The following SHANK1 variants were observed in gnomAD, a reference collection of about 807,000 sequenced individuals.
The protein encoded by SHANK1 is SH3 and multiple ankyrin repeat domains protein 1.
SHANK1 carries 35 observed loss-of-function variants against 165.6 expected under a neutral mutation model. The ratio of observed to expected loss-of-function variants is 0.21; its 90% confidence interval spans 0.16 to 0.28. The LOEUF is 0.28. SHANK1 is among the 10% of genes least tolerant of loss of function. The pLI, the probability that SHANK1 is intolerant of heterozygous loss-of-function variation, is 1.00. For missense variants in SHANK1, 2,681 were observed against 3,036.4 expected (o/e 0.88, Z 2.75); for synonymous variants, 1,428 against 1,384.8 (o/e 1.03, Z -0.69).
In SHANK1 at chr19:50,659,270, CTG is replaced by C. The variant is rs1220779203; in HGVS notation, c.*2693_*2694del. 13 of 712,196 alleles carry C rather than the reference CTG, an allele frequency of 1.8e-5. No individual in the cohort carries two copies. Among genetic ancestry groups the C allele is most frequent in the Non-Finnish European group, 2.6e-5 (13 of 508,712 alleles). 44.1% of individuals were successfully genotyped at this position (712,196 alleles called of 1,614,324 possible). ...CGGGGCCGGCTCGAGGGGGTGGATACTGTGAGTTTAATTATAAAGAATGACCT... is the reference window on the plus strand; with the variant it reads ...CGGGGCCGGCTCGAGGGGGTGGATACTGAGTTTAATTATAAAGAATGACCT... On this transcript the variant is annotated 3_prime_UTR_variant, in exon 24 of 24. Transcript: ENST00000293441.
rs746308457 is a variant in SHANK1, at chr19:50,697,376, A to G, written c.1937+213T>C. On this transcript the variant is annotated intron_variant, in intron 14 of 23. Transcript: ENST00000293441. The surrounding 1 kb of genome is among the most constrained non-coding windows in gnomAD (Gnocchi z 4.7). ...CCTGACCACCCCGTTGTCTCTGGCT[A>G]CCCCAGAGCTGGGCAGTCTTAGTGG... is the stretch of plus-strand genomic sequence containing the variant. Among the ~76,000 whole-genome samples, 27 of 152,058 alleles carry G rather than the reference A, an allele frequency of 1.8e-4. No individual in the cohort carries two copies. The highest frequency in any genetic ancestry group is 3.5e-4 in the Non-Finnish European group (24 of 68,002).
At chr19:50,710,604 T>A (rs1440078881) in intron 8 of SHANK1, among the ~76,000 whole-genome samples, 1 of 152,190 alleles carries the variant, frequency 6.6e-6, no homozygotes, top group African/African-American at 2.4e-5. Flanking sequence ...CCCCCCTGCC[T>A]GCTCCGTACC....
chr19:50,704,678 T>G (rs1248624813), intron 8 of SHANK1, among the ~76,000 whole-genome samples, 164 bp from the exon 9 acceptor site: 3 of 152,180 alleles, frequency 2.0e-5, no homozygotes, highest in Non-Finnish European at 4.4e-5. Context: ...CCAGGAGCAC[T>G]TTAGTTTAAA....
intron 21 of SHANK1, among the ~76,000 whole-genome samples, chr19:50,683,388 C>G (rs1673489748): frequency 6.6e-6 from 1 of 152,208 alleles, no homozygotes; most frequent in Non-Finnish European, 1.5e-5. Context: ...CCAATCAATA[C>G]ATAACCTTGT....
chr19:50,689,184 G>C lies in SHANK1; in HGVS notation c.2047+13C>G, dbSNP rs757800003. 1.9e-6 allele frequency: 3 copies of C among 1,599,452 alleles called. No individual in the cohort carries two copies. The highest frequency in any genetic ancestry group is 1.7e-6 in the Non-Finnish European group (2 of 1,167,922). On this transcript the variant is annotated intron_variant, in intron 16 of 23. Transcript: ENST00000293441. Reference sequence around the variant, plus strand: ...AGAGCCCTTCTCCCATCCCCTCCCCGGCTGGCACTCACCCTTGGCCCCCCG... The same window carrying C: ...AGAGCCCTTCTCCCATCCCCTCCCCCGCTGGCACTCACCCTTGGCCCCCCG...
At position 50,717,855 on chromosome 19, in the gene SHANK1, G is replaced by C. The variant is rs762076657; in HGVS notation, c.-43-893C>G. 9.9e-5 allele frequency among the ~76,000 whole-genome samples: 15 copies of C among 152,090 alleles called. No homozygotes were observed. The highest frequency in any genetic ancestry group is 2.6e-4 in the Admixed American group (4 of 15,274). ...TCTGAGGACTGGGGGTGTTAGGAGG[G>C]AGGCTAAGAAGTGAGAGGAGGGTCT... On this transcript the variant is annotated intron_variant, in intron 1 of 23. Coordinates refer to ENST00000293441, the MANE Select transcript of SHANK1 (RefSeq NM_016148.5). This position sits in a 1 kb window ranked among gnomAD's most constrained non-coding sequence, Gnocchi z 5.5.
Position 50,665,639 on chromosome 19 carries a change from G to T in SHANK1, c.5768+553C>A, listed in dbSNP as rs557933336. Among the ~76,000 whole-genome samples, 4 of 144,484 alleles carry T rather than the reference G, an allele frequency of 2.8e-5. No individual in the cohort carries two copies. The South Asian group carries it at 6.8e-4, about 25-fold the overall frequency. The allele number at this position is 144,484 out of a possible 152,430, so 94.8% of individuals were successfully genotyped here. ...CCAGGCATAGTGGCGTGCACCTATAGTCCCAGAGGATTGCTTGAGCCCAGG... is the reference window on the plus strand; with the variant it reads ...CCAGGCATAGTGGCGTGCACCTATATTCCCAGAGGATTGCTTGAGCCCAGG... On this transcript the variant is annotated intron_variant, in intron 23 of 23. Transcript: ENST00000293441.
At chr19:50,671,811 C>A (rs1045652406) in intron 22 of SHANK1, among the ~76,000 whole-genome samples, 2 of 152,140 alleles carry the variant, frequency 1.3e-5, no homozygotes, top group African/African-American at 2.4e-5. Flanking sequence ...AGTCAAGCCA[C>A]CTGCCCCAGT....
Position 50,703,653 on chromosome 19 carries a change from C to A in SHANK1, c.1400G>T (p.Gly467Val). Residue 467 changes from glycine (G) to valine (V), a missense_variant, in exon 11 of 24, where the codon GGG (glycine) becomes GTG (valine). By Grantham distance (109) the Gly-to-Val change is moderately radical. Transcript: ENST00000293441. ...ASSGAPGPTS[G>V]SQGQSQPSAP... is the part of the protein sequence containing the mutation. ...CGAGGGCTGCGACTGGCCCTGGGAC[C>A]CTGAGGTAGGGCCAGGGGCCCCAGA... 1 of 1,519,458 alleles carries A rather than the reference C, an allele frequency of 6.6e-7. No individual in the cohort carries two copies. 94.1% of individuals were successfully genotyped at this position (1,519,458 alleles called of 1,614,324 possible). A position where few individuals can be genotyped will look rare whatever the true frequency, so the allele number is the denominator to read the frequency against.
chr19:50,698,965 G>A (rs1334521420), intron 12 of SHANK1, among the ~76,000 whole-genome samples: 2 of 152,214 alleles, frequency 1.3e-5, no homozygotes, highest in East Asian at 1.9e-4. Context: ...ACCCAGGTAG[G>A]TAACAACTGT....
chr19:50,677,790 C>T (rs1310844017), intron 21 of SHANK1, among the ~76,000 whole-genome samples: 2 of 152,212 alleles, frequency 1.3e-5, no homozygotes, highest in Admixed American at 1.3e-4. Context: ...CAGGAGGTGT[C>T]GCCTGAAGGC....
chr19:50,668,014 C>G lies in SHANK1; in HGVS notation c.3946G>C (p.Gly1316Arg). The G allele has an allele frequency of 2.0e-6, 3 of 1,475,214 alleles. No homozygotes were observed. Among genetic ancestry groups the G allele is most frequent in the South Asian group, 1.3e-5 (1 of 78,154 alleles). The allele number at this position is 1,475,214 out of a possible 1,614,324, so 91.4% of individuals were successfully genotyped here. The stretch of plus-strand genomic sequence containing the variant: ...CCGCCACCCCCGTAGGCTCGGCTAC[C>G]GGCCCCGTAGCCGCCGTAGCCCGCG... Reference protein sequence around the residue: ...SGAGYGGYGAGSRAYGGGGGS... With the variant: ...SGAGYGGYGARSRAYGGGGGS... Residue 1316 changes from glycine (G) to arginine (R), a missense_variant, in exon 23 of 24, where the codon GGT becomes CGT. Physicochemically the swap from Gly to Arg is moderately radical, Grantham distance 125 (BLOSUM62 -2). Transcript: ENST00000293441.
intron 8 of SHANK1, 142 bp from the exon 9 acceptor site, chr19:50,704,656 GCCAGGTACGGA>G (rs2088916610): frequency 1.8e-5 from 13 of 726,768 alleles, no homozygotes; most frequent in Middle Eastern, 2.4e-4. Flanking sequence ...GCAGCCACCT[GCCAGGTACGGA>G]CCAGGAGCAC....
At chr19:50,703,419 G>A in intron 11 of SHANK1, 81 bp downstream of exon 11, 1 of 1,226,658 alleles carries the variant, frequency 8.2e-7, no homozygotes, top group Non-Finnish European at 1.1e-6. Flanking sequence ...AGGCAGCTGG[G>A]CTGGCCTCGG....
chr19:50,697,775 T>C lies in SHANK1; in HGVS notation c.1861+68A>G, dbSNP rs1371878162. On this transcript the variant is annotated intron_variant, in intron 13 of 23. Transcript: ENST00000293441. The surrounding 1 kb of genome is among the most constrained non-coding windows in gnomAD (Gnocchi z 4.7). Reference sequence around the variant, plus strand: ...CTACCTCCCAGTACCCCACCCCCATTAGGAAGGGAAAGGAGTGGACGTGGG... The same window carrying C: ...CTACCTCCCAGTACCCCACCCCCATCAGGAAGGGAAAGGAGTGGACGTGGG... The C allele has an allele frequency of 9.9e-6, 15 of 1,507,636 alleles. No homozygotes were observed. Among genetic ancestry groups the C allele is most frequent in the Non-Finnish European group, 1.4e-5 (15 of 1,085,826 alleles). 93.4% of individuals were successfully genotyped at this position (1,507,636 alleles called of 1,614,324 possible). A position where few individuals can be genotyped will look rare whatever the true frequency, so the allele number is the denominator to read the frequency against.
chr19:50,678,068 G>A (rs1986036020), intron 21 of SHANK1, among the ~76,000 whole-genome samples: 1 of 152,162 alleles, frequency 6.6e-6, no homozygotes, highest in Admixed American at 6.5e-5. Context: ...TTTTTCGTAT[G>A]TGTCCTCACT....
intron 8 of SHANK1, among the ~76,000 whole-genome samples, chr19:50,706,386 C>A (rs982565205): frequency 2.0e-4 from 31 of 152,154 alleles, no homozygotes; most frequent in Non-Finnish European, 3.7e-4. Context: ...CGGTGTCAAT[C>A]ACATGGCACC....
rs770279056 is a variant in SHANK1, at chr19:50,667,311, G to A, written c.4649C>T (p.Pro1550Leu). Residue 1550 changes from proline to leucine, a missense_variant, in exon 23 of 24, where the codon CCC becomes CTC. Pro to Leu is a moderately conservative substitution (Grantham distance 98, BLOSUM62 -3). Around this residue, in one of 10 missense-constraint regions of SHANK1, gnomAD observed 1,713 missense variants for 1,630.2 expected, o/e 1.05. Coordinates refer to ENST00000293441, the MANE Select transcript of SHANK1 (RefSeq NM_016148.5). The surrounding 1 kb of genome is among the most constrained non-coding windows in gnomAD (Gnocchi z 5.7). ...ATCTTCCACATCCACCGAGGGGGCG[G>A]GAGGCGGCAGGACCAGCAGGGGCAG... ...NGLPLLVLPP[P>L]APSVDVEDGE... 2 of 1,589,564 alleles carry A rather than the reference G, an allele frequency of 1.3e-6. No individual in the cohort carries two copies. The highest frequency in any genetic ancestry group is 1.7e-6 in the Non-Finnish European group (2 of 1,174,508).
At chr19:50,698,025 C>T in intron 12 of SHANK1, 69 bp from the exon 13 acceptor site, 1 of 1,074,992 alleles carries the variant, frequency 9.3e-7, no homozygotes, top group South Asian at 1.3e-5. Context: ...CCAACACACT[C>T]AACTTAGAGC....
Sources: allele counts gnomAD v4.1 joint callset (sites outside exome capture counted in the v4.1 genomes callset), GRCh38; gene constraint gnomAD v4.1.1; regional missense constraint gnomAD v4.1.1; non-coding constraint Gnocchi (gnomAD v3.1); transcripts MANE v1.5; gene names NCBI Gene and HGNC (gene_info 2026-07-23, HGNC 2026-07-21).